Variants in STK4 observed in about 807,000 individuals in gnomAD.
The protein encoded by STK4 is serine/threonine-protein kinase 4.
In STK4, 30 loss-of-function variants were observed where a neutral mutation model predicts 64.9. The ratio of observed to expected loss-of-function variants is 0.46; its 90% CI spans 0.35 to 0.63. The LOEUF is 0.63. Among genes scored for constraint, STK4 ranks in the 20% least tolerant of loss-of-function variants. STK4 has a pLI of 0.01. For missense variants in STK4, 466 were observed against 598.5 expected (o/e 0.78, Z 2.31); for synonymous variants, 177 against 199.0 (o/e 0.89, Z 0.93).
At chr20:45,062,697 C>T (rs1041999484) in intron 10 of STK4, among the ~76,000 whole-genome samples, 5 of 151,824 alleles carry the variant, frequency 3.3e-5, no homozygotes, top group South Asian at 4.2e-4. Context: ...CTCGCTTTGT[C>T]GCCCAGGCTG....
intron 10 of STK4, among the ~76,000 whole-genome samples, chr20:45,028,345 GAGAT>G (rs2068389423): frequency 6.9e-6 from 1 of 144,568 alleles, no homozygotes; most frequent in African/African-American, 2.6e-5. Context: ...TTTTTTTTAA[GAGAT>G]AGGGTCTTGC....
intron 2 of STK4, chr20:44,974,147 T>A (rs1242571118): frequency 1.3e-5 from 2 of 152,424 alleles, no homozygotes; most frequent in East Asian, 3.8e-4. Flanking sequence ...ACTCTTGGCC[T>A]TAAGTGATCC....
At chr20:44,967,330 G>A in intron 1 of STK4, 1 of 731,618 alleles carries the variant, frequency 1.4e-6, no homozygotes, top group Non-Finnish European at 1.7e-6. Context: ...CAGAGTAGTT[G>A]GGAAGTGTTT....
chr20:44,975,199 A>G (rs1056818951), intron 2 of STK4: 4 of 214,740 alleles, frequency 1.9e-5, no homozygotes, highest in African/African-American at 9.4e-5. Context: ...CTACTTCTCC[A>G]TTCTCTGCTG....
intron 10 of STK4, among the ~76,000 whole-genome samples, chr20:45,031,220 G>C (rs749979544): frequency 2.6e-5 from 4 of 151,868 alleles, no homozygotes; most frequent in Non-Finnish European, 5.9e-5. Flanking sequence ...GTGAGAAAAG[G>C]CCTGTGGAGA....
At chr20:45,044,784 G>A (rs1251481066) in intron 10 of STK4, among the ~76,000 whole-genome samples, 2 of 152,234 alleles carry the variant, frequency 1.3e-5, no homozygotes, top group Non-Finnish European at 2.9e-5. Context: ...GAAGAAGGGT[G>A]AATGGCCCAG....
chr20:44,972,120 A>G lies in STK4; in HGVS notation c.78A>G (p.Pro26=), dbSNP rs373205117. 126 of 1,613,960 alleles carry G rather than the reference A, an allele frequency of 7.8e-5. No homozygotes were observed. Among genetic ancestry groups the G allele is most frequent in the Non-Finnish European group, 1.0e-4 (121 of 1,179,970 alleles). Residue 26 remains proline, a synonymous_variant, in exon 2 of 11, where the codon CCA becomes CCG. Coordinates refer to ENST00000372806, the MANE Select transcript of STK4 (RefSeq NM_006282.5). ...KLDEDSLTKQ[P]EEVFDVLEKL... ...ATGAAGATAGTTTAACCAAACAACC[A>G]GAAGAAGTATTTGATGTCTTAGAGA... is the stretch of plus-strand genomic sequence containing the variant.
At position 44,997,337 on chromosome 20, in the gene STK4, C is replaced by G. The variant is rs377404487; in HGVS notation, c.831+31C>G. 33 of 1,554,136 alleles carry G rather than the reference C, an allele frequency of 2.1e-5. 1 individual carries two copies. Among genetic ancestry groups the G allele is most frequent in the East Asian group, 9.1e-5 (4 of 44,104 alleles). On this transcript the variant is annotated intron_variant, in intron 7 of 10. Coordinates refer to ENST00000372806, the MANE Select transcript of STK4 (RefSeq NM_006282.5). ...AATCACCCTGTGATGCCATCTCGCT[C>G]CATTTCATTTACTTGCTGACCAAAA...
intron 5 of STK4, among the ~76,000 whole-genome samples, chr20:44,991,200 A>G (rs1212618185): frequency 6.6e-6 from 1 of 152,002 alleles, no homozygotes; most frequent in Non-Finnish European, 1.5e-5. Context: ...CAACATGGGT[A>G]TTTCATTGTA....
At chr20:45,019,571 G>A (rs1403889391) in intron 9 of STK4, among the ~76,000 whole-genome samples, 1 of 152,182 alleles carries the variant, frequency 6.6e-6, no homozygotes, top group Non-Finnish European at 1.5e-5. Flanking sequence ...TGTTCATTTA[G>A]CTTGACAAAT....
intron 10 of STK4, among the ~76,000 whole-genome samples, chr20:45,045,342 C>T (rs2145426629): frequency 6.6e-6 from 1 of 152,316 alleles, no homozygotes; most frequent in South Asian, 2.1e-4. Flanking sequence ...ACAAAGGCAT[C>T]TTTCCTACTT....
At chr20:44,989,561 G>A (rs1017870934) in intron 5 of STK4, among the ~76,000 whole-genome samples, 1 of 152,082 alleles carries the variant, frequency 6.6e-6, no homozygotes, top group Non-Finnish European at 1.5e-5. Context: ...TGTCTTGAAG[G>A]TGTCCTTTGA....
At position 44,972,078 on chromosome 20, in the gene STK4, G is replaced by A; in HGVS notation, c.36G>A (p.Arg12=). The change falls in exon 2 of 11, where the codon CGG becomes CGA. Residue 12 remains arginine (R), a splice_region_variant and synonymous_variant. Transcript: ENST00000372806. The part of the protein sequence containing the change: ...ETVQLRNPPR[R]QLKKLDEDSL... Reference sequence around the variant, plus strand: ...TGTGTTTATATTTCTTTATTCACAGGCAGCTGAAAAAGTTGGATGAAGATA... The same window carrying A: ...TGTGTTTATATTTCTTTATTCACAGACAGCTGAAAAAGTTGGATGAAGATA... 1 of 1,613,096 alleles carries A rather than the reference G, an allele frequency of 6.2e-7. No individual in the cohort carries two copies. Among genetic ancestry groups the A allele is most frequent in the Non-Finnish European group, 8.5e-7 (1 of 1,179,556 alleles).
At chr20:45,018,291 G>A (rs950839765) in intron 9 of STK4, among the ~76,000 whole-genome samples, 11 of 152,222 alleles carry the variant, frequency 7.2e-5, no homozygotes, top group Admixed American at 6.5e-4. Context: ...CAGTTCTCTG[G>A]TTTGCACAGA....
intron 10 of STK4, among the ~76,000 whole-genome samples, chr20:45,046,659 T>C (rs1298315722): frequency 6.6e-6 from 1 of 151,818 alleles, no homozygotes; most frequent in Non-Finnish European, 1.5e-5. Flanking sequence ...GCTAATTTGC[T>C]TTTCTTTTTT....
At chr20:45,058,095 C>T (rs1013557935) in intron 10 of STK4, among the ~76,000 whole-genome samples, 3 of 151,522 alleles carry the variant, frequency 2.0e-5, no homozygotes, top group Non-Finnish European at 4.4e-5. Context: ...ACACCCCTAC[C>T]CCTATCTAGA....
Position 45,072,108 on chromosome 20 carries a change from G to A in STK4, c.1306-2910G>A, listed in dbSNP as rs375865730. On this transcript the variant is annotated intron_variant, in intron 10 of 10. Transcript: ENST00000372806. ...CAAAATCCTGTACCTCACCTCCCAG[G>A]GAGTCTTATTAAGTAGCTTTGGACT... Among the ~76,000 whole-genome samples the A allele has an allele frequency of 1.4e-4, 21 of 152,228 alleles. No homozygotes were observed. The East Asian group carries it at 2.1e-3, about 15-fold the overall frequency.
chr20:45,052,874 A>G (rs1978295313), intron 10 of STK4, among the ~76,000 whole-genome samples: 1 of 152,188 alleles, frequency 6.6e-6, no homozygotes, highest in African/African-American at 2.4e-5. Flanking sequence ...GTAGCTAGCC[A>G]AGGTCAACAG....
chr20:45,012,917 G>A (rs922139217), intron 9 of STK4, among the ~76,000 whole-genome samples: 1 of 144,144 alleles, frequency 6.9e-6, no homozygotes, highest in Non-Finnish European at 1.5e-5. Flanking sequence ...CTGAGTAGCT[G>A]GGACCACAGG....
Sources: gnomAD v4.1 joint callset for allele counts (sites outside exome capture counted in the v4.1 genomes callset) on GRCh38, gnomAD v4.1.1 for gene constraint, MANE v1.5 for transcripts, NCBI Gene and HGNC (gene_info 2026-07-23, HGNC 2026-07-21) for gene names.